MRPS25: variants seen among roughly 807,000 people sequenced by gnomAD.
MRPS25 encodes the protein small ribosomal subunit protein mS25.
MRPS25 carries 15 observed loss-of-function variants against 17.3 expected under a neutral mutation model. The observed-to-expected ratio is 0.87, with a 90% CI of 0.58 to 1.34. MRPS25 has a LOEUF of 1.34. Ranked by LOEUF, MRPS25 falls within the 40% of genes most tolerant of loss-of-function variation. The pLI is 0.00. For synonymous variants in MRPS25, 94 were observed against 83.3 expected (o/e 1.13, Z -0.70); for missense variants, 225 against 218.6 (o/e 1.03, Z -0.19).
At chr3:15,062,135 G>T (rs1368157626) in intron 1 of MRPS25, among the ~76,000 whole-genome samples, 4 of 13,882 alleles carry the variant, frequency 2.9e-4, no homozygotes, top group Admixed American at 5.4e-4. Context: ...GGGAGGGAGT[G>T]CGGCGGGTCA....
intron 2 of MRPS25, chr3:15,053,739 G>A (rs529925338): frequency 2.1e-6 from 1 of 471,936 alleles, no homozygotes; most frequent in South Asian, 2.1e-5. Context: ...TCTTAAGACG[G>A]CAATTCTCCC....
rs2042612847 is a variant in MRPS25 at position 15,052,055 on chromosome 3, T to G, written c.*386A>C. On this transcript the variant is annotated 3_prime_UTR_variant, in exon 4 of 4. Transcript: ENST00000253686. ...ACAGCAGCCCTTATGTTCTCCAGAGTAGAGCCCAGAGGAAGATTCAAAGCC... is the reference window on the plus strand; with the variant it reads ...ACAGCAGCCCTTATGTTCTCCAGAGGAGAGCCCAGAGGAAGATTCAAAGCC... 1 of 1,009,992 alleles carries G rather than the reference T, an allele frequency of 9.9e-7. No individual in the cohort carries two copies. Among genetic ancestry groups the G allele is most frequent in the African/African-American group, 1.7e-5 (1 of 57,988 alleles). 62.6% of individuals were successfully genotyped at this position (1,009,992 alleles called of 1,614,324 possible). A position where few individuals can be genotyped will look rare whatever the true frequency, so the allele number is the denominator to read the frequency against.
rs906541126 is a variant in MRPS25, at chr3:15,065,236, G to C, written c.-42C>G. On this transcript the variant is annotated 5_prime_UTR_variant, in exon 1 of 4. Coordinates refer to ENST00000253686, the MANE Select transcript of MRPS25 (RefSeq NM_022497.5). ...GGGCCGACCCCACGGGCCGCGAGCC[G>C]AGCAGCGACGAGAAAGGACTAGCTA... is the stretch of plus-strand genomic sequence containing the variant. 7.8e-6 allele frequency: 12 copies of C among 1,547,580 alleles called. No individual in the cohort carries two copies. The Admixed American group carries it at 1.9e-4, about 25-fold the overall frequency.
In MRPS25 at chr3:15,051,699, G is replaced by C. The variant is rs1214060083; in HGVS notation, c.*742C>G. 2 of 985,598 alleles carry C rather than the reference G, an allele frequency of 2.0e-6. No homozygotes were observed. The highest frequency in any genetic ancestry group is 3.5e-5 in the African/African-American group (2 of 57,242). The allele number at this position is 985,598 out of a possible 1,614,324, so 61.1% of individuals were successfully genotyped here. A position where few individuals can be genotyped will look rare whatever the true frequency, so the allele number is the denominator to read the frequency against. ...AGCTATAGACACCATCCCCCCAGCA[G>C]GGCCCCAATGTCTCCACTAGGTGGT... is the stretch of plus-strand genomic sequence containing the variant. On this transcript the variant is annotated 3_prime_UTR_variant, in exon 4 of 4. Transcript: ENST00000253686.
chr3:15,056,024 T>TAACACCGTGA (rs1225295680), intron 2 of MRPS25, among the ~76,000 whole-genome samples: 4 of 151,726 alleles, frequency 2.6e-5, no homozygotes, highest in African/African-American at 9.7e-5. Context: ...CCATCCTGGC[T>TAACACCGTGA]AACACCGTGA....
chr3:15,064,067 G>GA (rs762443114), intron 1 of MRPS25, among the ~76,000 whole-genome samples: 1 of 152,188 alleles, frequency 6.6e-6, no homozygotes, highest in African/African-American at 2.4e-5. Flanking sequence ...GCCATGCAGT[G>GA]AAGGTCCGTC....
At chr3:15,043,090 T>C, downstream of MRPS25, 1 of 1,343,502 alleles carries the variant, frequency 7.4e-7, no homozygotes, top group Non-Finnish European at 1.0e-6. Flanking sequence ...TATTTTGGTA[T>C]GTGCAAATAT....
At chr3:15,057,836 C>T (rs923568755) in intron 2 of MRPS25, among the ~76,000 whole-genome samples, 5 of 152,252 alleles carry the variant, frequency 3.3e-5, no homozygotes, top group African/African-American at 1.2e-4. Context: ...CAAACTGCCA[C>T]AGGGCCACCC....
At position 15,049,483 on chromosome 3, in the gene MRPS25, G is replaced by A. The variant is rs374817386; in HGVS notation, c.*2958C>T. ...ATACCTTTAGTGGGAAACCCTGGCA[G>A]GACAGTCTTTACATCCACCCAGCAA... On this transcript the variant is annotated 3_prime_UTR_variant, in exon 4 of 4. Transcript: ENST00000253686. 2.9e-4 allele frequency: 63 copies of A among 219,016 alleles called. 1 individual carries two copies. The South Asian group carries it at 4.5e-3, about 16-fold the overall frequency. 13.6% of individuals were successfully genotyped at this position (219,016 alleles called of 1,614,324 possible).
chr3:15,053,086 T>C (rs948192609), intron 3 of MRPS25, among the ~76,000 whole-genome samples: 1 of 152,112 alleles, frequency 6.6e-6, no homozygotes, highest in African/African-American at 2.4e-5. Context: ...GAGAGATGGG[T>C]TAGCAGCTGC....
chr3:15,052,169 C>G lies in MRPS25; in HGVS notation c.*272G>C. 8.5e-7 allele frequency: 1 copy of G among 1,172,210 alleles called. No individual in the cohort carries two copies. Among genetic ancestry groups the G allele is most frequent in the Non-Finnish European group, 1.1e-6 (1 of 948,040 alleles). 72.6% of individuals were successfully genotyped at this position (1,172,210 alleles called of 1,614,324 possible). On this transcript the variant is annotated 3_prime_UTR_variant, in exon 4 of 4. Coordinates refer to ENST00000253686, the MANE Select transcript of MRPS25 (RefSeq NM_022497.5). ...TCAGGCCCAAAGCCTTTCTGCTACA[C>G]AGGCCTTCCTCTTCACTAGGACCAG...
Position 15,050,237 on chromosome 3 carries a change from A to G in MRPS25, c.*2204T>C, listed in dbSNP as rs775845786. The G allele has an allele frequency of 8.7e-7, 1 of 1,152,006 alleles. No individual in the cohort carries two copies. The highest frequency in any genetic ancestry group is 1.9e-5 in the South Asian group (1 of 52,008). 71.4% of individuals were successfully genotyped at this position (1,152,006 alleles called of 1,614,324 possible). On this transcript the variant is annotated 3_prime_UTR_variant, in exon 4 of 4. Transcript: ENST00000253686. ...GCCACACAGGCAGTAACTGCACCAC[A>G]GGACTGCTGCTGTCTCCACACGTCC... is the stretch of plus-strand genomic sequence containing the variant.
rs953426993 is a variant in MRPS25 at position 15,049,917 on chromosome 3, T to C, written c.*2524A>G. 6.5e-7 allele frequency: 1 copy of C among 1,533,158 alleles called. No individual in the cohort carries two copies. The highest frequency in any genetic ancestry group is 8.7e-7 in the Non-Finnish European group (1 of 1,145,870). The allele number at this position is 1,533,158 out of a possible 1,614,324, so 95.0% of individuals were successfully genotyped here. On this transcript the variant is annotated 3_prime_UTR_variant, in exon 4 of 4. Transcript: ENST00000253686. ...CCACAGCAGATGATACAGGTTTAGA[T>C]GGTGCTGCCAGGTAGTGCCTCAAAG...
At chr3:15,053,642 T>C in intron 2 of MRPS25, 175 bp from the exon 3 acceptor site, 10 of 733,262 alleles carry the variant, frequency 1.4e-5, no homozygotes, top group Non-Finnish European at 2.4e-5. Context: ...TCTTTAGACC[T>C]GAGCAAGCAT....
Position 15,050,079 on chromosome 3 carries a change from C to T in MRPS25, c.*2362G>A, listed in dbSNP as rs978986633. 7.0e-5 allele frequency: 99 copies of T among 1,424,290 alleles called. No homozygotes were observed. Among genetic ancestry groups the T allele is most frequent in the Non-Finnish European group, 9.0e-5 (99 of 1,104,052 alleles). The allele number at this position is 1,424,290 out of a possible 1,614,324, so 88.2% of individuals were successfully genotyped here. On this transcript the variant is annotated 3_prime_UTR_variant, in exon 4 of 4. Coordinates refer to ENST00000253686, the MANE Select transcript of MRPS25 (RefSeq NM_022497.5). ...CCATTTCTGTATATTTTAAACCCAT[C>T]TTTCATCACTACTAAACAAAATAGG...
downstream of MRPS25, chr3:15,042,379 A>G (rs768871087): frequency 2.0e-5 from 3 of 152,842 alleles, no homozygotes; most frequent in Non-Finnish European, 4.4e-5. Flanking sequence ...CATTTTCCCA[A>G]TACTTTATAT....
chr3:15,050,246 G>GCTGT lies in MRPS25; in HGVS notation c.*2191_*2194dup. 1 of 1,144,592 alleles carries GCTGT rather than the reference G, an allele frequency of 8.7e-7. No homozygotes were observed. Among genetic ancestry groups the GCTGT allele is most frequent in the Non-Finnish European group, 1.1e-6 (1 of 930,144 alleles). 70.9% of individuals were successfully genotyped at this position (1,144,592 alleles called of 1,614,324 possible). ...GCAGTAACTGCACCACAGGACTGCT[G>GCTGT]CTGTCTCCACACGTCCTTTCAGGGT... On this transcript the variant is annotated 3_prime_UTR_variant, in exon 4 of 4. Coordinates refer to ENST00000253686, the MANE Select transcript of MRPS25 (RefSeq NM_022497.5).
At position 15,050,074 on chromosome 3, in the gene MRPS25, C is replaced by T. The variant is rs2042580744; in HGVS notation, c.*2367G>A. ...TTCTCCCATTTCTGTATATTTTAAA[C>T]CCATCTTTCATCACTACTAAACAAA... On this transcript the variant is annotated 3_prime_UTR_variant, in exon 4 of 4. Coordinates refer to ENST00000253686, the MANE Select transcript of MRPS25 (RefSeq NM_022497.5). 2 of 1,429,778 alleles carry T rather than the reference C, an allele frequency of 1.4e-6. No homozygotes were observed. Among genetic ancestry groups the T allele is most frequent in the Non-Finnish European group, 1.8e-6 (2 of 1,106,748 alleles). The allele number at this position is 1,429,778 out of a possible 1,614,324, so 88.6% of individuals were successfully genotyped here. A position where few individuals can be genotyped will look rare whatever the true frequency, so the allele number is the denominator to read the frequency against.
chr3:15,054,828 AACTC>A (rs2042649615), intron 2 of MRPS25, among the ~76,000 whole-genome samples: 1 of 152,242 alleles, frequency 6.6e-6, no homozygotes, highest in Non-Finnish European at 1.5e-5. Context: ...ATATATAAAA[AACTC>A]ACAACTCAAT....
Sources: gnomAD v4.1 joint callset for allele counts (sites outside exome capture counted in the v4.1 genomes callset) on GRCh38, gnomAD v4.1.1 for gene constraint, MANE v1.5 for transcripts, NCBI Gene and HGNC (gene_info 2026-07-23, HGNC 2026-07-21) for gene names.